The following VPS45 variants were observed in gnomAD, a reference collection of about 807,000 sequenced individuals.
VPS45 encodes vacuolar protein sorting 45 homolog, also known as vacuolar protein sorting-associated protein 45.
A neutral mutation model predicts 75.9 loss-of-function variants in VPS45; 35 were observed. The observed-to-expected ratio is 0.46, with a 90% confidence interval of 0.35 to 0.61. The LOEUF is 0.61. Ranked by LOEUF, VPS45 falls within the 20% of genes least tolerant of loss-of-function variation. The pLI, the probability that VPS45 is intolerant of heterozygous loss-of-function variation, is 0.00. For missense variants in VPS45, 559 were observed against 685.9 expected, an observed-to-expected ratio of 0.81 and a Z score of 2.07; for synonymous variants, 220 against 238.2, an observed-to-expected ratio of 0.92 and a Z score of 0.70.
At chr1:150,093,047 C>T (rs996951214) in intron 12 of VPS45, among the ~76,000 whole-genome samples, 2 of 151,734 alleles carry the variant, frequency 1.3e-5, no homozygotes, top group African/African-American at 2.4e-5. Context: ...GGGGTTTCAC[C>T]GTGTTAGCCA....
chr1:150,099,097 A>G, intron 13 of VPS45: 3 of 1,016,888 alleles, frequency 3.0e-6, no homozygotes, highest in Non-Finnish European at 3.5e-6. Flanking sequence ...ATGTTCAGAA[A>G]TTACAATTTT....
At chr1:150,092,235 AT>A in intron 11 of VPS45, 66 bp from the exon 12 acceptor site, 2 of 1,548,002 alleles carry the variant, frequency 1.3e-6, no homozygotes, top group Non-Finnish European at 1.8e-6. Flanking sequence ...CCTTAATAAA[AT>A]TATTTTCTTA....
At chr1:150,069,394 T>C (rs1327815688) in intron 2 of VPS45, among the ~76,000 whole-genome samples, 1 of 152,004 alleles carries the variant, frequency 6.6e-6, no homozygotes, top group East Asian at 1.9e-4. Flanking sequence ...TTATCCATCA[T>C]CTTCTAAATC....
chr1:150,083,643 G>A (rs1363834559), intron 10 of VPS45, among the ~76,000 whole-genome samples: 1 of 147,006 alleles, frequency 6.8e-6, no homozygotes, highest in Non-Finnish European at 1.5e-5. Flanking sequence ...AAGATGTGAA[G>A]AAATAAATAT....
intron 14 of VPS45, among the ~76,000 whole-genome samples, chr1:150,136,197 C>T (rs1163812985): frequency 7.4e-6 from 1 of 135,664 alleles, no homozygotes; most frequent in Admixed American, 8.1e-5. Context: ...TGCAGTGAGC[C>T]GAGATCGTCC....
At chr1:150,072,755 ACTTT>A (rs1655152007) in intron 3 of VPS45, among the ~76,000 whole-genome samples, 1 of 151,862 alleles carries the variant, frequency 6.6e-6, no homozygotes, top group African/African-American at 2.4e-5. Context: ...TTTACATTTT[ACTTT>A]GCCTTTCAAG....
At chr1:150,072,000 T>C (rs1655100514) in intron 2 of VPS45, among the ~76,000 whole-genome samples, 166 bp from the exon 3 acceptor site, 1 of 151,844 alleles carries the variant, frequency 6.6e-6, no homozygotes, top group African/African-American at 2.4e-5. Flanking sequence ...TTGTATTTAA[T>C]TTATCTCTTT....
chr1:150,128,977 G>A (rs1389147167), intron 14 of VPS45, among the ~76,000 whole-genome samples: 4 of 111,570 alleles, frequency 3.6e-5, no homozygotes, highest in South Asian at 2.1e-4. Context: ...TCCTGATCTC[G>A]TGATCTGAGT....
At position 150,099,981 on chromosome 1, in the gene VPS45, T is replaced by A. The variant is rs114866544; in HGVS notation, c.1493+6333T>A. On this transcript the variant is annotated intron_variant, in intron 13 of 14. Coordinates refer to ENST00000644510, the MANE Select transcript of VPS45 (RefSeq NM_007259.5). ...CTTCTATTCAACAGAGTATTGGAAGTCTTAGCCAGAGCAATCAGGCAAGAG... is the reference window on the plus strand; with the variant it reads ...CTTCTATTCAACAGAGTATTGGAAGACTTAGCCAGAGCAATCAGGCAAGAG... 8.6e-3 allele frequency among the ~76,000 whole-genome samples: 1,310 copies of A among 152,248 alleles called. 20 individuals carry two copies. Among genetic ancestry groups the A allele is most frequent in the African/African-American group, 0.03 (1,266 of 41,524 alleles).
At chr1:150,144,482 C>CG (rs1659567480) in intron 14 of VPS45, among the ~76,000 whole-genome samples, 2 of 2,072 alleles carry the variant, frequency 9.7e-4, no homozygotes, top group Non-Finnish European at 2.4e-3. Flanking sequence ...AAATTTAATT[C>CG]TAAAAAAAAA....
intron 10 of VPS45, among the ~76,000 whole-genome samples, chr1:150,084,867 C>T (rs1474702284): frequency 6.6e-6 from 1 of 152,072 alleles, no homozygotes; most frequent in East Asian, 1.9e-4. Context: ...AAATGCTTCA[C>T]ATGTAATAGG....
chr1:150,127,416 C>T (rs1336726151), intron 14 of VPS45, among the ~76,000 whole-genome samples: 1 of 151,770 alleles, frequency 6.6e-6, no homozygotes, highest in African/African-American at 2.4e-5. Flanking sequence ...TGGGTTCAAG[C>T]AGTCCTACCA....
intron 7 of VPS45, 21 bp downstream of exon 7, chr1:150,077,800 A>G (rs1482439798): frequency 6.4e-7 from 1 of 1,552,160 alleles, no homozygotes; most frequent in Non-Finnish European, 8.9e-7. Context: ...CTTTCTTGGC[A>G]TAATAGAAGG....
At chr1:150,099,703 G>A (rs1656864827) in intron 13 of VPS45, among the ~76,000 whole-genome samples, 1 of 151,756 alleles carries the variant, frequency 6.6e-6, no homozygotes, top group Admixed American at 6.6e-5. Flanking sequence ...TGTGGTGTTG[G>A]GTGGCTGTAG....
chr1:150,128,257 G>A (rs890577212), intron 14 of VPS45, among the ~76,000 whole-genome samples: 5 of 150,160 alleles, frequency 3.3e-5, no homozygotes, highest in Middle Eastern at 3.4e-3. Flanking sequence ...AGTCAAGTTC[G>A]CGCCACTGCA....
chr1:150,072,025 A>AC, intron 2 of VPS45, 141 bp from the exon 3 acceptor site: 4 of 456,888 alleles, frequency 8.8e-6, no homozygotes, highest in Non-Finnish European at 7.8e-6. Context: ...TCCAGCCCTT[A>AC]CCCACCAACA....
At chr1:150,093,717 T>A in intron 13 of VPS45, 69 bp downstream of exon 13, 1 of 1,558,244 alleles carries the variant, frequency 6.4e-7, no homozygotes, top group Non-Finnish European at 8.7e-7. Flanking sequence ...AGAGTAATGT[T>A]AAGGACTAAA....
At chr1:150,081,651 C>T (rs1655716667) in intron 8 of VPS45, among the ~76,000 whole-genome samples, 175 bp downstream of exon 8, 1 of 152,142 alleles carries the variant, frequency 6.6e-6, no homozygotes, top group Non-Finnish European at 1.5e-5. Flanking sequence ...GACCCTTTAG[C>T]AATTTTTTTT....
chr1:150,123,489 A>G (rs1468935906), intron 14 of VPS45, among the ~76,000 whole-genome samples: 2 of 152,216 alleles, frequency 1.3e-5, no homozygotes, highest in African/African-American at 4.8e-5. Flanking sequence ...GATGTAGTTA[A>G]ATAAACTATA....
Sources: allele counts gnomAD v4.1 joint callset (sites outside exome capture counted in the v4.1 genomes callset), GRCh38; gene constraint gnomAD v4.1.1; transcripts MANE v1.5; gene names NCBI Gene and HGNC (gene_info 2026-07-23, HGNC 2026-07-21).